PIBF1: variants seen among roughly 807,000 people sequenced by gnomAD.
The protein encoded by PIBF1 is progesterone-induced-blocking factor 1.
Under a neutral mutation model 112.5 loss-of-function variants are expected in PIBF1, and 90 were observed. The ratio of observed to expected loss-of-function variants is 0.80; its 90% CI spans 0.67 to 0.95. PIBF1 has a LOEUF of 0.95. Ranked by LOEUF, PIBF1 falls within the 40% of genes least tolerant of loss-of-function variation. The pLI, the probability that PIBF1 is intolerant of heterozygous loss-of-function variation, is 0.00. For synonymous variants in PIBF1, 301 were observed against 288.6 expected (o/e 1.04, Z -0.44); for missense variants, 915 against 852.3 (o/e 1.07, Z -0.92).
chr13:72,996,488 G>C (rs9543195), intron 16 of PIBF1, among the ~76,000 whole-genome samples: 1 of 152,064 alleles, frequency 6.6e-6, no homozygotes, highest in African/African-American at 2.4e-5. Flanking sequence ...TACTAAAATA[G>C]TACCACTACA....
chr13:72,930,457 A>G (rs2041663365), intron 13 of PIBF1, among the ~76,000 whole-genome samples: 1 of 152,182 alleles, frequency 6.6e-6, no homozygotes, highest in Admixed American at 6.5e-5. Context: ...TTAAAGAAAT[A>G]TACCACTTCC....
intron 10 of PIBF1, among the ~76,000 whole-genome samples, chr13:72,865,087 C>G (rs922164692): frequency 1.3e-5 from 2 of 152,044 alleles, no homozygotes; most frequent in Admixed American, 6.5e-5. Context: ...AATTTTGTTA[C>G]TACATAAACC....
intron 5 of PIBF1, 32 bp from the exon 6 acceptor site, chr13:72,821,817 C>T (rs2036568252): frequency 6.4e-7 from 1 of 1,564,482 alleles, no homozygotes; most frequent in Non-Finnish European, 8.7e-7. Context: ...AGTGTTTAGT[C>T]TGAAATGTGT....
Position 72,998,733 on chromosome 13 carries a change from TCTA to T in PIBF1, c.2050-86_2050-84del. ...TTATGTGTGTAGTATAATTGTTTCTTCTACTTAAAAATATTTTAATATTAATCA... is the reference window on the plus strand; with the variant it reads ...TTATGTGTGTAGTATAATTGTTTCTTCTTAAAAATATTTTAATATTAATCA... On this transcript the variant is annotated intron_variant, in intron 16 of 17. Transcript: ENST00000326291. The T allele has an allele frequency of 3.6e-6, 3 of 831,496 alleles. No homozygotes were observed. In the South Asian group the frequency reaches 5.1e-5, roughly 14 times the overall value. 51.5% of individuals were successfully genotyped at this position (831,496 alleles called of 1,614,324 possible).
At chr13:72,808,747 A>C (rs1029094646) in intron 5 of PIBF1, among the ~76,000 whole-genome samples, 1 of 152,196 alleles carries the variant, frequency 6.6e-6, no homozygotes, top group African/African-American at 2.4e-5. Flanking sequence ...GAGCAGCTGC[A>C]GTTCCCATAA....
At chr13:72,962,941 C>T (rs966054252) in intron 14 of PIBF1, among the ~76,000 whole-genome samples, 1 of 152,148 alleles carries the variant, frequency 6.6e-6, no homozygotes, top group Non-Finnish European at 1.5e-5. Context: ...GACATAAAAA[C>T]CCACGGAATA....
intron 2 of PIBF1, among the ~76,000 whole-genome samples, chr13:72,790,497 GATCACACACACAC>G (rs1314140847): frequency 1.4e-5 from 2 of 142,284 alleles, no homozygotes; most frequent in African/African-American, 5.4e-5. Context: ...CTTATAGATA[GATCACACACACAC>G]ATAGATAGAT....
At chr13:72,945,008 GCAT>G (rs1403470741) in intron 14 of PIBF1, among the ~76,000 whole-genome samples, 1 of 152,050 alleles carries the variant, frequency 6.6e-6, no homozygotes, top group Non-Finnish European at 1.5e-5. Flanking sequence ...CAGGTAGTGA[GCAT>G]CATACCCAAT....
At chr13:72,935,688 C>T (rs2138791342) in intron 14 of PIBF1, among the ~76,000 whole-genome samples, 1 of 152,304 alleles carries the variant, frequency 6.6e-6, no homozygotes, top group South Asian at 2.1e-4. Flanking sequence ...AATTTTTCTA[C>T]ATCCTTGCCT....
chr13:72,998,824 A>AT lies in PIBF1; in HGVS notation c.2054dup (p.Leu685PhefsTer10), dbSNP rs2043763969. ...CTTCTGTTTTCATATATCAACAGGA[A>AT]TTGGCAGCAATGAAACAGATTCTCG... On this transcript the variant is annotated frameshift_variant, in exon 17 of 18. Transcript: ENST00000326291. LOFTEE classifies it high-confidence loss of function. 6.2e-7 allele frequency: 1 copy of AT among 1,609,436 alleles called. No homozygotes were observed. Among genetic ancestry groups the AT allele is most frequent in the African/African-American group, 1.3e-5 (1 of 74,832 alleles).
At chr13:72,986,676 C>CTTTT (rs765529786) in intron 16 of PIBF1, among the ~76,000 whole-genome samples, 60 of 89,034 alleles carry the variant, frequency 6.7e-4, no homozygotes, top group South Asian at 1.7e-3. Context: ...TTTCTGTCAT[C>CTTTT]TTTTTTTTTT....
At chr13:72,927,964 T>TATATATATAC (rs1555316880) in intron 13 of PIBF1, among the ~76,000 whole-genome samples, 16 of 82,152 alleles carry the variant, frequency 1.9e-4, no homozygotes, top group African/African-American at 8.5e-4. Context: ...TATATACACA[T>TATATATATAC]ATATATATAT....
At chr13:72,930,829 A>C (rs895904596) in intron 13 of PIBF1, among the ~76,000 whole-genome samples, 1 of 152,222 alleles carries the variant, frequency 6.6e-6, no homozygotes, top group South Asian at 2.1e-4. Flanking sequence ...AATATTTATA[A>C]AAGTGGAGAC....
intron 14 of PIBF1, among the ~76,000 whole-genome samples, chr13:72,961,504 CTTTAATGGAACTT>C (rs1230281856): frequency 6.6e-6 from 1 of 152,032 alleles, no homozygotes; most frequent in Non-Finnish European, 1.5e-5. Flanking sequence ...AACAGTAAAT[CTTTAATGGAACTT>C]TTTAGCAATT....
At chr13:72,931,556 T>C (rs910571813) in intron 14 of PIBF1, among the ~76,000 whole-genome samples, 1 of 151,950 alleles carries the variant, frequency 6.6e-6, no homozygotes, top group Non-Finnish European at 1.5e-5. Context: ...TGGCAAACTT[T>C]GGTGACATTT....
Position 72,941,198 on chromosome 13 carries a change from C to T in PIBF1, c.1833+9931C>T, listed in dbSNP as rs551469037. On this transcript the variant is annotated intron_variant, in intron 14 of 17. Transcript: ENST00000326291. ...TCATTGCATGATGTCCAATGTCTTT[C>T]GACCGTTGTTTTATTAGTTGGTCCA... 7.9e-5 allele frequency among the ~76,000 whole-genome samples: 12 copies of T among 152,232 alleles called. No individual in the cohort carries two copies. In the South Asian group the frequency reaches 1.0e-3, roughly 13 times the overall value.
chr13:72,931,718 G>GTATATATATATATATATA (rs3077704), intron 14 of PIBF1, among the ~76,000 whole-genome samples: 2,515 of 101,432 alleles, frequency 0.025, 114 homozygotes, highest in South Asian at 0.036. Flanking sequence ...TTTAAACTAC[G>GTATATATATATATATATA]TATATATATA....
intron 8 of PIBF1, among the ~76,000 whole-genome samples, chr13:72,834,780 A>G (rs7994069): frequency 0.015 from 2,279 of 152,278 alleles, 63 homozygotes; most frequent in African/African-American, 0.052. Flanking sequence ...CTAAAAGATC[A>G]CGGTGTGGCT....
At chr13:72,905,981 A>C (rs1161184299) in intron 11 of PIBF1, among the ~76,000 whole-genome samples, 1 of 152,200 alleles carries the variant, frequency 6.6e-6, no homozygotes, top group East Asian at 1.9e-4. Flanking sequence ...AGCAGTGCTT[A>C]ACACAGTGCC....
Sources: allele counts gnomAD v4.1 joint callset (sites outside exome capture counted in the v4.1 genomes callset), GRCh38; gene constraint gnomAD v4.1.1; transcripts MANE v1.5; gene names NCBI Gene and HGNC (gene_info 2026-07-23, HGNC 2026-07-21).